The following ESF1 variants were observed in gnomAD, a reference collection of about 807,000 sequenced individuals.
ESF1 encodes the protein ESF1 nucleolar pre-rRNA processing protein.
Under a neutral mutation model 92.0 loss-of-function variants are expected in ESF1, and 58 were observed. The ratio of observed to expected loss-of-function variants is 0.63; its 90% CI spans 0.51 to 0.78. The LOEUF (loss-of-function observed/expected upper bound fraction) is 0.78. Among genes scored for constraint, ESF1 ranks in the 30% least tolerant of loss-of-function variants. The probability of loss-of-function intolerance (pLI) is 0.00; values close to 1 mark genes in which losing one functional copy is unlikely to be tolerated. For synonymous variants in ESF1, 321 were observed against 313.7 expected (o/e 1.02, Z -0.24); for missense variants, 922 against 989.1 (o/e 0.93, Z 0.91).
At chr20:13,735,279 T>TATAGC (rs2049968994) in intron 9 of ESF1, among the ~76,000 whole-genome samples, 1 of 152,280 alleles carries the variant, frequency 6.6e-6, no homozygotes, top group East Asian at 1.9e-4. Context: ...TCCAAATTTC[T>TATAGC]ATAGCTTAGA....
chr20:13,767,130 A>G (rs777072640), intron 7 of ESF1, among the ~76,000 whole-genome samples: 1 of 152,182 alleles, frequency 6.6e-6, no homozygotes, highest in Non-Finnish European at 1.5e-5. Flanking sequence ...CCTCCTCCCA[A>G]TTCTCTGCTA....
chr20:13,740,765 C>A (rs934536815), intron 9 of ESF1, among the ~76,000 whole-genome samples: 4 of 152,276 alleles, frequency 2.6e-5, no homozygotes, highest in Non-Finnish European at 5.9e-5. Flanking sequence ...CCCAAGACAA[C>A]ACTGTAGAGC....
At chr20:13,765,864 G>A (rs910946370) in intron 8 of ESF1, among the ~76,000 whole-genome samples, 1 of 152,134 alleles carries the variant, frequency 6.6e-6, no homozygotes, top group African/African-American at 2.4e-5. Flanking sequence ...GAAATACCTT[G>A]TAAAATAAGA....
intron 3 of ESF1, among the ~76,000 whole-genome samples, chr20:13,775,591 GCAA>G (rs1358185137): frequency 2.6e-5 from 4 of 152,076 alleles, no homozygotes; most frequent in African/African-American, 9.7e-5. Context: ...ATGTTACCCT[GCAA>G]CATTTCTTTT....
At chr20:13,746,889 A>G (rs1488226647) in intron 9 of ESF1, among the ~76,000 whole-genome samples, 1 of 152,248 alleles carries the variant, frequency 6.6e-6, no homozygotes, top group Non-Finnish European at 1.5e-5. Flanking sequence ...GTGAGTTTAT[A>G]TAAGTTAACC....
chr20:13,764,841 G>A (rs941631624), intron 8 of ESF1, among the ~76,000 whole-genome samples: 6 of 151,640 alleles, frequency 4.0e-5, no homozygotes, highest in Non-Finnish European at 7.4e-5. Context: ...ATGTATAAGT[G>A]ACCTCACACA....
At chr20:13,720,816 T>G (rs1422169202) in intron 11 of ESF1, among the ~76,000 whole-genome samples, 1 of 152,186 alleles carries the variant, frequency 6.6e-6, no homozygotes, top group Non-Finnish European at 1.5e-5. Flanking sequence ...ATGTATAAAT[T>G]TTCATAATTA....
intron 9 of ESF1, among the ~76,000 whole-genome samples, chr20:13,758,532 A>G (rs1471152591): frequency 6.6e-6 from 1 of 152,090 alleles, no homozygotes; most frequent in Non-Finnish European, 1.5e-5. Context: ...ATATCAAAAT[A>G]CCCTATTTTT....
rs58809594 is a variant in ESF1, at chr20:13,748,592, ATTTT to A, written c.1828+11096_1828+11099del. Among the ~76,000 whole-genome samples the A allele has an allele frequency of 1.8e-3, 177 of 95,720 alleles. 5 individuals are homozygous for A. Among genetic ancestry groups the A allele is most frequent in the African/African-American group, 0.01 (156 of 15,548 alleles). 62.8% of individuals were successfully genotyped at this position (95,720 alleles called of 152,430 possible). A position where few individuals can be genotyped will look rare whatever the true frequency, so the allele number is the denominator to read the frequency against. On this transcript the variant is annotated intron_variant, in intron 9 of 13. Transcript: ENST00000617257. Reference sequence around the variant, plus strand: ...TGTGTGTGTATATATATATATATATATTTTTTTTTTTTTGAGATGGAGTGTTGCT... The same window carrying A: ...TGTGTGTGTATATATATATATATATATTTTTTTTTGAGATGGAGTGTTGCT...
At chr20:13,758,536 T>C (rs529188044) in intron 9 of ESF1, among the ~76,000 whole-genome samples, 1 of 152,300 alleles carries the variant, frequency 6.6e-6, no homozygotes, top group Non-Finnish European at 1.5e-5. Context: ...CAAAATACCC[T>C]ATTTTTTTCC....
chr20:13,757,593 C>G (rs1224146391), intron 9 of ESF1, among the ~76,000 whole-genome samples: 1 of 152,022 alleles, frequency 6.6e-6, no homozygotes, highest in Non-Finnish European at 1.5e-5. Context: ...AGAGATGGAA[C>G]AGTTTTGCCA....
At chr20:13,726,715 C>G (rs572678069) in intron 11 of ESF1, among the ~76,000 whole-genome samples, 1 of 152,292 alleles carries the variant, frequency 6.6e-6, no homozygotes, top group African/African-American at 2.4e-5. Flanking sequence ...GCAGAGAGCT[C>G]AGCACCTGGT....
At chr20:13,783,208 A>G in intron 1 of ESF1, 25 bp from the exon 2 acceptor site, 1 of 1,407,774 alleles carries the variant, frequency 7.1e-7, no homozygotes, top group East Asian at 2.4e-5. Context: ...AAATGTTTTA[A>G]TGGTAATAAT....
rs776206587 is a variant in ESF1 at position 13,766,760 on chromosome 20, T to G, written c.1666+17A>C. 6.2e-7 allele frequency: 1 copy of G among 1,611,456 alleles called. No homozygotes were observed. The highest frequency in any genetic ancestry group is 1.1e-5 in the South Asian group (1 of 90,920). ...AAGACCTATGTCCATTAATGGTCAC[T>G]GAAAGATTAACAATACCTTGTAGCT... On this transcript the variant is annotated intron_variant, in intron 8 of 13. Coordinates refer to ENST00000617257, the MANE Select transcript of ESF1 (RefSeq NM_001276380.2).
chr20:13,752,194 G>A (rs985593935), intron 9 of ESF1, among the ~76,000 whole-genome samples: 7 of 151,950 alleles, frequency 4.6e-5, no homozygotes, highest in African/African-American at 1.4e-4. Context: ...CAATCTTTTT[G>A]CACAGTATGA....
At chr20:13,768,914 G>A (rs2225268) in intron 7 of ESF1, among the ~76,000 whole-genome samples, 136,318 of 143,902 alleles carry the variant, frequency 0.95, 64,536 homozygotes, top group East Asian at 1. Flanking sequence ...AAAAAAAAAA[G>A]AAAGAAAGGA....
chr20:13,731,237 G>C (rs957104354), intron 10 of ESF1, among the ~76,000 whole-genome samples: 1 of 152,088 alleles, frequency 6.6e-6, no homozygotes, highest in Admixed American at 6.6e-5. Flanking sequence ...CCAATAAACT[G>C]ATAGCTTAAC....
intron 9 of ESF1, among the ~76,000 whole-genome samples, chr20:13,748,533 C>T (rs1351777587): frequency 8.2e-6 from 1 of 121,848 alleles, no homozygotes; most frequent in Admixed American, 9.3e-5. Flanking sequence ...TATATATACA[C>T]ATATATATGT....
intron 7 of ESF1, among the ~76,000 whole-genome samples, chr20:13,767,993 TGA>T (rs1979505302): frequency 6.6e-6 from 1 of 152,212 alleles, no homozygotes; most frequent in Non-Finnish European, 1.5e-5. Flanking sequence ...GGACAGATGT[TGA>T]TGATACAGCC....
Sources: gnomAD v4.1 joint callset for allele counts (sites outside exome capture counted in the v4.1 genomes callset) on GRCh38, gnomAD v4.1.1 for gene constraint, MANE v1.5 for transcripts, NCBI Gene and HGNC (gene_info 2026-07-23, HGNC 2026-07-21) for gene names.